Variants in RGS6 observed in about 807,000 individuals in gnomAD.
RGS6 encodes regulator of G protein signaling 6.
In RGS6, 30 loss-of-function variants were observed where a neutral mutation model predicts 78.5. The observed-to-expected ratio is 0.38, with a 90% CI of 0.29 to 0.52. The LOEUF (loss-of-function observed/expected upper bound fraction) is 0.52. Ranked by LOEUF, RGS6 falls within the 20% of genes least tolerant of loss-of-function variation. The pLI, the probability that RGS6 is intolerant of heterozygous loss-of-function variation, is 0.85. For missense variants in RGS6, 495 were observed against 609.7 expected (o/e 0.81, Z 1.98); for synonymous variants, 206 against 206.0 (o/e 1.00, Z 0.00).
At position 72,291,497 on chromosome 14, in the gene RGS6, C is replaced by A. The variant is rs1394085645; in HGVS notation, c.85-60598C>A. 4.6e-5 allele frequency among the ~76,000 whole-genome samples: 7 copies of A among 152,166 alleles called. No individual in the cohort carries two copies. In the East Asian group the frequency reaches 1.2e-3, roughly 25 times the overall value. On this transcript the variant is annotated intron_variant, in intron 2 of 17. Coordinates refer to ENST00000553525, the MANE Select transcript of RGS6 (RefSeq NM_001204424.2). ...ACACTAGTCCATATGGCTTTACTCC[C>A]TGCTGAATTTAAACTCTTCAAGGGC...
At chr14:71,955,476 T>C (rs1367895248) in intron 1 of RGS6, among the ~76,000 whole-genome samples, 4 of 152,320 alleles carry the variant, frequency 2.6e-5, no homozygotes, top group South Asian at 2.1e-4. Context: ...GGCTACTCCA[T>C]AGATAGAGCA....
chr14:71,878,443 A>G, the RGS6 span, among the ~76,000 whole-genome samples: 3 of 152,264 alleles, frequency 2.0e-5, no homozygotes, highest in East Asian at 5.8e-4. Flanking sequence ...CTGCTGTGCT[A>G]GTGGTGGGCA....
intron 2 of RGS6, among the ~76,000 whole-genome samples, chr14:71,971,913 T>C (rs1164460680): frequency 1.3e-4 from 4 of 31,602 alleles, no homozygotes; most frequent in Non-Finnish European, 1.7e-4. Flanking sequence ...CAGGTTTTTT[T>C]TTTTTTTTTT....
intron 3 of RGS6, among the ~76,000 whole-genome samples, chr14:72,371,116 G>A (rs1004135617): frequency 1.1e-4 from 16 of 152,170 alleles, no homozygotes; most frequent in African/African-American, 3.4e-4. Flanking sequence ...TATTGATTAT[G>A]CTGTGGTTGC....
At chr14:72,380,776 C>G (rs966687823) in intron 3 of RGS6, among the ~76,000 whole-genome samples, 2 of 152,040 alleles carry the variant, frequency 1.3e-5, no homozygotes, top group Non-Finnish European at 2.9e-5. Flanking sequence ...CCTCAAAACA[C>G]TAAAAATAGA....
rs79654339 is a variant in RGS6, at chr14:71,991,967, A to G, written c.84+27092A>G. Among the ~76,000 whole-genome samples the G allele has an allele frequency of 0.015, 2,205 of 151,972 alleles. 162 individuals carry two copies. The East Asian group carries it at 0.2, about 14-fold the overall frequency. ...TAAAACTTTATGAAAACAGGCAGTG[A>G]GCCAGATTTGGCCCATGGGTGGGGC... is the stretch of plus-strand genomic sequence containing the variant. On this transcript the variant is annotated intron_variant, in intron 2 of 17. Transcript: ENST00000553525.
At chr14:72,482,262 C>T (rs915232463) in intron 12 of RGS6, among the ~76,000 whole-genome samples, 1 of 152,136 alleles carries the variant, frequency 6.6e-6, no homozygotes, top group Non-Finnish European at 1.5e-5. Context: ...TGGTCAGGAT[C>T]TTATAAGGTG....
At chr14:71,880,553 A>G in the RGS6 span, among the ~76,000 whole-genome samples, 1 of 152,232 alleles carries the variant, frequency 6.6e-6, no homozygotes, top group African/African-American at 2.4e-5. Flanking sequence ...CTGTGGCTAA[A>G]AGGGGCCAAC....
At chr14:72,172,931 T>G (rs2097047029) in intron 2 of RGS6, among the ~76,000 whole-genome samples, 1 of 152,210 alleles carries the variant, frequency 6.6e-6, no homozygotes, top group Non-Finnish European at 1.5e-5. Flanking sequence ...AGGCTTTTCT[T>G]GCTCTAAAGC....
intron 2 of RGS6, among the ~76,000 whole-genome samples, chr14:72,092,734 A>G (rs1293375556): frequency 3.3e-5 from 5 of 152,140 alleles, no homozygotes; most frequent in Non-Finnish European, 7.3e-5. Context: ...ACAGTTTTAG[A>G]TTTACAGAGC....
chr14:72,327,163 T>C (rs114111933), intron 2 of RGS6, among the ~76,000 whole-genome samples: 2,556 of 152,332 alleles, frequency 0.017, 82 homozygotes, highest in African/African-American at 0.057. Flanking sequence ...TTTTTTTATG[T>C]GTATATGTAT....
chr14:72,127,158 C>T (rs887347367), intron 2 of RGS6, among the ~76,000 whole-genome samples: 3 of 151,758 alleles, frequency 2.0e-5, no homozygotes, highest in South Asian at 2.1e-4. Flanking sequence ...AGTGAGGAGA[C>T]GAGATTATGA....
intron 2 of RGS6, among the ~76,000 whole-genome samples, chr14:72,303,177 C>T (rs1042254534): frequency 1.3e-5 from 2 of 152,210 alleles, no homozygotes; most frequent in East Asian, 3.9e-4. Flanking sequence ...TGCTTTTCAT[C>T]ATGCACCACA....
chr14:72,244,878 G>A (rs1006663825), intron 2 of RGS6, among the ~76,000 whole-genome samples: 2 of 151,386 alleles, frequency 1.3e-5, no homozygotes, highest in Middle Eastern at 3.2e-3. Flanking sequence ...AGGCTGGAGT[G>A]CAATGGCACG....
Position 72,476,721 on chromosome 14 carries a change from T to C in RGS6, c.694-21T>C, listed in dbSNP as rs775217856. On this transcript the variant is annotated intron_variant, in intron 10 of 17. Coordinates refer to ENST00000553525, the MANE Select transcript of RGS6 (RefSeq NM_001204424.2). ...CCAATTCTGTGGGTGGATGATCCTCTGTGCTTGCTTCTTCTCCTAGTCCGT... is the reference window on the plus strand; with the variant it reads ...CCAATTCTGTGGGTGGATGATCCTCCGTGCTTGCTTCTTCTCCTAGTCCGT... 1.3e-4 allele frequency: 207 copies of C among 1,610,518 alleles called. 1 individual carries two copies. The highest frequency in any genetic ancestry group is 1.5e-4 in the Non-Finnish European group (174 of 1,177,210).
At chr14:72,292,161 G>T (rs1347605163) in intron 2 of RGS6, among the ~76,000 whole-genome samples, 2 of 152,138 alleles carry the variant, frequency 1.3e-5, no homozygotes, top group Admixed American at 6.6e-5. Flanking sequence ...CCAGTGTACT[G>T]GTTTTCCCAG....
At chr14:72,419,211 T>C (rs2094020661) in intron 3 of RGS6, among the ~76,000 whole-genome samples, 1 of 152,256 alleles carries the variant, frequency 6.6e-6, no homozygotes, top group Non-Finnish European at 1.5e-5. Context: ...AAAAATACTA[T>C]TTAAAGCTAG....
intron 17 of RGS6, among the ~76,000 whole-genome samples, chr14:72,543,068 T>C (rs1266732049): frequency 6.6e-6 from 1 of 152,212 alleles, no homozygotes; most frequent in Non-Finnish European, 1.5e-5. Context: ...CTGGGGACAC[T>C]GGGCCAAGCA....
intron 2 of RGS6, among the ~76,000 whole-genome samples, chr14:72,285,239 A>G (rs960060588): frequency 1.3e-5 from 2 of 152,130 alleles, no homozygotes; most frequent in African/African-American, 2.4e-5. Context: ...GGCCGGGGGC[A>G]GAATGATATG....
Sources: gnomAD v4.1 joint callset for allele counts (sites outside exome capture counted in the v4.1 genomes callset) on GRCh38, gnomAD v4.1.1 for gene constraint, MANE v1.5 for transcripts, NCBI Gene and HGNC (gene_info 2026-07-23, HGNC 2026-07-21) for gene names.